Variants in AFF2 observed in about 807,000 individuals in gnomAD.
The protein encoded by AFF2 is AF4/FMR2 family member 2.
A neutral mutation model predicts 76.9 loss-of-function variants in AFF2; 14 were observed. The ratio of observed to expected loss-of-function variants is 0.18; its 90% CI spans 0.12 to 0.28. The LOEUF is 0.28. AFF2 is among the 10% of genes least tolerant of loss of function. The probability of loss-of-function intolerance (pLI) is 1.00; values close to 1 mark genes in which losing one functional copy is unlikely to be tolerated. For synonymous variants in AFF2, 398 were observed against 366.7 expected (o/e 1.09, Z -0.98); for missense variants, 868 against 1,001.1 (o/e 0.87, Z 1.79).
intron 7 of AFF2, among the ~76,000 whole-genome samples, chrX:148,848,202 C>T (rs912295826): frequency 6.3e-5 from 7 of 110,746 alleles, no homozygotes; most frequent in African/African-American, 2.3e-4. Context: ...AGAAATTATA[C>T]CGCTCTGTTT....
chrX:148,810,681 G>A (rs910447893), intron 4 of AFF2, among the ~76,000 whole-genome samples: 6 of 111,488 alleles, frequency 5.4e-5, no homozygotes, highest in East Asian at 2.8e-4. Context: ...TCCTTTCCTC[G>A]TCTGTAAAAG....
chrX:148,919,758 T>G (rs1603340258), intron 9 of AFF2, among the ~76,000 whole-genome samples: 1 of 111,200 alleles, frequency 9.0e-6, no homozygotes, highest in African/African-American at 3.3e-5. Context: ...ATTAGAAGGC[T>G]ATATACCCTT....
chrX:148,819,548 G>T (rs1450813007), intron 4 of AFF2, among the ~76,000 whole-genome samples: 4 of 110,682 alleles, frequency 3.6e-5, no homozygotes, highest in African/African-American at 1.3e-4. Flanking sequence ...AGCTTTTATT[G>T]TTTCTGGACA....
chrX:148,651,775 A>G (rs1242933742), intron 1 of AFF2, among the ~76,000 whole-genome samples: 3 of 111,491 alleles, frequency 2.7e-5, no homozygotes, highest in East Asian at 2.8e-4. Context: ...CATGAATATC[A>G]TTTCAAATAA....
chrX:148,723,607 G>A (rs2055119993), intron 3 of AFF2, among the ~76,000 whole-genome samples: 1 of 112,209 alleles, frequency 8.9e-6, no homozygotes, highest in Non-Finnish European at 1.9e-5. Context: ...GCTCAGGTGA[G>A]TTTAGCCAAG....
intron 3 of AFF2, among the ~76,000 whole-genome samples, chrX:148,768,156 T>C (rs1228306356): frequency 9.2e-6 from 1 of 108,756 alleles, no homozygotes; most frequent in African/African-American, 3.4e-5. Flanking sequence ...TTCTGAAGTT[T>C]GTTCTGCCCC....
intron 3 of AFF2, among the ~76,000 whole-genome samples, chrX:148,744,023 G>T (rs782221389): frequency 9.0e-6 from 1 of 111,288 alleles, no homozygotes; most frequent in African/African-American, 3.3e-5. Context: ...TAGGATTTCT[G>T]TATAGAAACA....
chrX:148,707,187 C>G (rs1557262465), intron 3 of AFF2, among the ~76,000 whole-genome samples: 1 of 111,809 alleles, frequency 8.9e-6, no homozygotes, highest in African/African-American at 3.2e-5. Context: ...TACAGAGACA[C>G]CATCTAATTC....
At chrX:148,943,844 A>G (rs1438456023) in intron 9 of AFF2, among the ~76,000 whole-genome samples, 2 of 112,060 alleles carry the variant, frequency 1.8e-5, no homozygotes, top group Non-Finnish European at 3.8e-5. Flanking sequence ...TGGTTGATAA[A>G]GCCTCTGGTC....
intron 1 of AFF2, among the ~76,000 whole-genome samples, chrX:148,604,993 A>G: frequency 8.9e-6 from 1 of 112,195 alleles, no homozygotes; most frequent in East Asian, 2.8e-4. Context: ...GTTTTCAAAA[A>G]TCACAAGTAT....
intron 3 of AFF2, among the ~76,000 whole-genome samples, chrX:148,778,375 T>A (rs2069695287): frequency 8.9e-6 from 1 of 111,786 alleles, no homozygotes; most frequent in South Asian, 3.8e-4. Context: ...ATAGAATGAG[T>A]TAGGGAGGAG....
intron 1 of AFF2, among the ~76,000 whole-genome samples, chrX:148,590,065 G>A (rs1557246405): frequency 2.9e-5 from 3 of 102,638 alleles, no homozygotes; most frequent in East Asian, 3.1e-4. Context: ...CAGAACTCAA[G>A]TGTAGTTCCC....
chrX:148,751,881 T>G (rs782511048), intron 3 of AFF2, among the ~76,000 whole-genome samples: 2 of 112,034 alleles, frequency 1.8e-5, no homozygotes, highest in Non-Finnish European at 3.8e-5. Context: ...CTTATAAACA[T>G]TAGGAATTTA....
chrX:148,957,763 A>G (rs1435335494), intron 11 of AFF2, among the ~76,000 whole-genome samples: 1 of 112,691 alleles, frequency 8.9e-6, no homozygotes, highest in East Asian at 2.8e-4. Context: ...CCAAGAAGTC[A>G]AAGACCTTTG....
intron 3 of AFF2, among the ~76,000 whole-genome samples, chrX:148,692,669 A>G (rs2054665855): frequency 8.9e-6 from 1 of 112,087 alleles, no homozygotes; most frequent in East Asian, 2.8e-4. Flanking sequence ...ATAAGCATAT[A>G]AAACTTACAT....
At chrX:148,584,775 G>T (rs782689678) in intron 1 of AFF2, among the ~76,000 whole-genome samples, 18 of 110,005 alleles carry the variant, frequency 1.6e-4, no homozygotes, top group African/African-American at 4.0e-4. Flanking sequence ...TCCTGACCTC[G>T]TGATCCGCCC....
chrX:148,544,465 C>A (rs1338083200), intron 1 of AFF2, among the ~76,000 whole-genome samples: 1 of 111,795 alleles, frequency 8.9e-6, no homozygotes, highest in African/African-American at 3.2e-5. Context: ...TCCACTAGGG[C>A]CAACTGAGAA....
At chrX:148,658,712 C>T (rs1474816654) in intron 2 of AFF2, among the ~76,000 whole-genome samples, 3 of 112,287 alleles carry the variant, frequency 2.7e-5, no homozygotes, top group South Asian at 3.6e-4. Flanking sequence ...ATGCTTCTTT[C>T]GATGAAAGAT....
intron 3 of AFF2, among the ~76,000 whole-genome samples, chrX:148,780,003 T>C (rs1416580380): frequency 8.9e-5 from 10 of 112,317 alleles, no homozygotes; most frequent in Non-Finnish European, 1.9e-4. Flanking sequence ...CCTTCACTTA[T>C]GAAGCTTAGT....
Sources: gnomAD v4.1 joint callset for allele counts (sites outside exome capture counted in the v4.1 genomes callset) on GRCh38, gnomAD v4.1.1 for gene constraint, MANE v1.5 for transcripts, NCBI Gene and HGNC (gene_info 2026-07-23, HGNC 2026-07-21) for gene names.